The following NF1 variants were observed in gnomAD, a reference collection of about 807,000 sequenced individuals.
The protein encoded by NF1 is neurofibromin 1.
In NF1, 122 loss-of-function variants were observed where a neutral mutation model predicts 325.7. The observed-to-expected ratio is 0.37, with a 90% CI of 0.32 to 0.44. NF1 has a LOEUF of 0.44. NF1 is among the 20% of genes least tolerant of loss of function. NF1 has a pLI of 1.00. For synonymous variants in NF1, 1,091 were observed against 1,186.0 expected (o/e 0.92, Z 1.65); for missense variants, 2,140 against 3,415.4 (o/e 0.63, Z 9.31).
chr17:31,361,306 C>T, intron 57 of NF1: 1 of 152,634 alleles, frequency 6.6e-6, no homozygotes, highest in East Asian at 1.9e-4. Flanking sequence ...TTTGAATACA[C>T]TGAGAAATAC....
At position 31,248,785 on chromosome 17, in the gene NF1, A is replaced by G. The variant is rs17878249; in HGVS notation, c.3975-199A>G. ...TGATCTGTCAGCCTTGGCCTCCCAA[A>G]GTACTGGGATTGCAGGCGTAAGCCA... On this transcript the variant is annotated intron_variant, in intron 29 of 57. Coordinates refer to ENST00000358273, the MANE Select transcript of NF1 (RefSeq NM_001042492.3). 0.033 allele frequency among the ~76,000 whole-genome samples: 4,991 copies of G among 151,416 alleles called. 282 individuals carry two copies. The highest frequency in any genetic ancestry group is 0.11 in the African/African-American group (4,639 of 41,260).
rs1044698498 is a variant in NF1, at chr17:31,340,514, C to G, written c.6931C>G (p.Leu2311Val). 6.2e-7 allele frequency: 1 copy of G among 1,614,198 alleles called. No individual in the cohort carries two copies. Among genetic ancestry groups the G allele is most frequent in the African/African-American group, 1.3e-5 (1 of 75,058 alleles). Residue 2311 changes from leucine to valine, a missense_variant, in exon 47 of 58, where the codon CTG becomes GTG. Transcript: ENST00000358273. ...LQPLLNKDSP[L>V]HKALFWVAVA... is the part of the protein sequence containing the mutation. The stretch of plus-strand genomic sequence containing the variant: ...ATATCTTCTTTGCCAGGACTCGCCT[C>G]TGCACAAAGCCCTCTTTTGGGTAGC...
intron 1 of NF1, among the ~76,000 whole-genome samples, chr17:31,113,372 A>G (rs985547831): frequency 1.3e-5 from 2 of 151,818 alleles, no homozygotes; most frequent in African/African-American, 4.8e-5. Context: ...GATTCTCCCA[A>G]GAAGCTAGGA....
chr17:31,202,664 C>G (rs1314995096), intron 11 of NF1, among the ~76,000 whole-genome samples: 2 of 152,044 alleles, frequency 1.3e-5, no homozygotes, highest in Non-Finnish European at 2.9e-5. Context: ...AATAAACATG[C>G]CTGAGGGAAT....
At chr17:31,201,624 G>T in intron 11 of NF1, 139 bp downstream of exon 11, 1 of 677,830 alleles carries the variant, frequency 1.5e-6, no homozygotes, top group Non-Finnish European at 2.6e-6. Flanking sequence ...ATTTCTCCAT[G>T]GTGATTCTAT....
intron 1 of NF1, among the ~76,000 whole-genome samples, chr17:31,144,401 T>A (rs1356940107): frequency 2.6e-5 from 4 of 152,210 alleles, no homozygotes; most frequent in Non-Finnish European, 5.9e-5. Flanking sequence ...TTTTCCCCTG[T>A]CTTTTGGTTA....
intron 8 of NF1, 53 bp downstream of exon 8, chr17:31,182,718 T>C (rs2066160804): frequency 1.3e-6 from 2 of 1,524,378 alleles, no homozygotes; most frequent in Non-Finnish European, 9.0e-7. Flanking sequence ...CAGTTTATTT[T>C]ACTCAAGGTG....
In NF1 at chr17:31,219,022, G is replaced by A. The variant is rs876658203; in HGVS notation, c.1545G>A (p.Gly515=). ...CCTTGCAGAATCCAAGAAAACAGGG[G>A]CCCGAAACCCAAGGCAGTACAGCAG... is the stretch of plus-strand genomic sequence containing the variant. ...KLLLCNPRKQ[G]PETQGSTAEL... The change falls in exon 14 of 58, where the codon GGG becomes GGA. Residue 515 remains glycine (G), a synonymous_variant. Coordinates refer to ENST00000358273, the MANE Select transcript of NF1 (RefSeq NM_001042492.3). 5.6e-6 allele frequency: 9 copies of A among 1,613,052 alleles called. No homozygotes were observed. The highest frequency in any genetic ancestry group is 1.6e-4 in the Middle Eastern group (1 of 6,084).
At chr17:31,309,799 A>G (rs1251897553) in intron 36 of NF1, among the ~76,000 whole-genome samples, 1 of 152,180 alleles carries the variant, frequency 6.6e-6, no homozygotes, top group Non-Finnish European at 1.5e-5. Context: ...TGTCAGTAGT[A>G]AGCTGGTGGA....
At chr17:31,237,104 C>G (rs1420041722) in intron 29 of NF1, among the ~76,000 whole-genome samples, 1 of 152,002 alleles carries the variant, frequency 6.6e-6, no homozygotes, top group African/African-American at 2.4e-5. Flanking sequence ...AAGTTCAGAG[C>G]TTCTTGATGA....
intron 28 of NF1, 21 bp from the exon 29 acceptor site, chr17:31,235,897 C>G (rs1216841041): frequency 2.5e-6 from 4 of 1,609,296 alleles, no homozygotes; most frequent in Non-Finnish European, 3.4e-6. Context: ...ATAATAAACT[C>G]CTATTCGTGC....
At chr17:31,372,497 CTT>C (rs999881210) in intron 57 of NF1, among the ~76,000 whole-genome samples, 1 of 152,080 alleles carries the variant, frequency 6.6e-6, no homozygotes, top group Non-Finnish European at 1.5e-5. Flanking sequence ...GCTTAGTGAA[CTT>C]TTAAAATGTA....
intron 29 of NF1, among the ~76,000 whole-genome samples, chr17:31,246,397 A>T (rs1449496681): frequency 6.6e-6 from 1 of 152,264 alleles, no homozygotes; most frequent in Admixed American, 6.5e-5. Context: ...GCCACACAGC[A>T]AACTCTAAGG....
intron 7 of NF1, among the ~76,000 whole-genome samples, chr17:31,182,044 G>A (rs1440321561): frequency 6.6e-6 from 1 of 152,144 alleles, no homozygotes; most frequent in African/African-American, 2.4e-5. Context: ...TGGGGTGTTT[G>A]GCTCTTTGTT....
intron 36 of NF1, among the ~76,000 whole-genome samples, chr17:31,286,556 A>T (rs2068231536): frequency 6.6e-6 from 1 of 152,228 alleles, no homozygotes; most frequent in Admixed American, 6.5e-5. Flanking sequence ...GATCTTGTGG[A>T]AAAGCCATAC....
At position 31,260,464 on chromosome 17, in the gene NF1, G is replaced by A. The variant is rs546073780; in HGVS notation, c.4526G>A (p.Arg1509His). 7.5e-5 allele frequency: 121 copies of A among 1,613,740 alleles called. No homozygotes were observed. Among genetic ancestry groups the A allele is most frequent in the Non-Finnish European group, 8.1e-5 (96 of 1,179,934 alleles). ...ISDGNVLALH[R>H]LLWNNQEKIG... ...GACGGCAATGTGCTTGCTTTACATCGTCTACTCTGGAACAATCAGGAGAAA... is the reference window on the plus strand; with the variant it reads ...GACGGCAATGTGCTTGCTTTACATCATCTACTCTGGAACAATCAGGAGAAA... Residue 1509 changes from arginine (R) to histidine (H), a missense_variant, in exon 34 of 58, where the codon CGT (arginine) becomes CAT (histidine). Transcript: ENST00000358273.
intron 39 of NF1, chr17:31,331,254 A>T (rs1362425029): frequency 6.6e-6 from 1 of 152,328 alleles, no homozygotes; most frequent in African/African-American, 2.4e-5. Flanking sequence ...TGTAGGACTG[A>T]CAAAACAAGA....
At chr17:31,148,881 G>A (rs889799375) in intron 1 of NF1, among the ~76,000 whole-genome samples, 16 of 151,958 alleles carry the variant, frequency 1.1e-4, no homozygotes, top group African/African-American at 2.9e-4. Context: ...TGTAAGTTAC[G>A]TAGTTCTAAA....
chr17:31,174,920 C>T (rs761585218), intron 5 of NF1, among the ~76,000 whole-genome samples: 1 of 151,850 alleles, frequency 6.6e-6, no homozygotes, highest in Non-Finnish European at 1.5e-5. Context: ...ACCAGCCTGA[C>T]GAACATGGTG....
Sources: allele counts gnomAD v4.1 joint callset (sites outside exome capture counted in the v4.1 genomes callset), GRCh38; gene constraint gnomAD v4.1.1; transcripts MANE v1.5; gene names NCBI Gene and HGNC (gene_info 2026-07-23, HGNC 2026-07-21).